The following PCGF5 variants were observed in gnomAD, a reference collection of about 807,000 sequenced individuals.
PCGF5 encodes the protein polycomb group RING finger protein 5.
A neutral mutation model predicts 44.3 loss-of-function variants in PCGF5; 9 were observed. The ratio of observed to expected loss-of-function variants is 0.20; its 90% CI spans 0.12 to 0.35. The LOEUF (loss-of-function observed/expected upper bound fraction) is 0.35, where lower values mean the gene tolerates loss of function less well. Among genes scored for constraint, PCGF5 ranks in the 10% least tolerant of loss-of-function variants. The probability of loss-of-function intolerance (pLI) is 1.00; values close to 1 mark genes in which losing one functional copy is unlikely to be tolerated. For missense variants in PCGF5, 146 were observed against 305.3 expected (o/e 0.48, Z 3.89); for synonymous variants, 95 against 102.5 (o/e 0.93, Z 0.44).
intron 3 of PCGF5, among the ~76,000 whole-genome samples, chr10:91,241,979 A>G (rs969750142): frequency 6.6e-6 from 1 of 152,308 alleles, no homozygotes; most frequent in African/African-American, 2.4e-5. Flanking sequence ...CACTTCGTTT[A>G]GCAAGCTCTC....
rs546656028 is a variant in PCGF5 at position 91,185,002 on chromosome 10, C to A, written c.-184+21921C>A. On this transcript the variant is annotated intron_variant, in intron 1 of 9. Coordinates refer to the PCGF5 transcript ENST00000614189. ...CAGTCAGGAGGAACAACACAGGGGA[C>A]CTGCTTACAGAAGCAGTTTGGCCAC... 2.5e-3 allele frequency among the ~76,000 whole-genome samples: 384 copies of A among 152,252 alleles called. 2 individuals carry two copies. The highest frequency in any genetic ancestry group is 8.5e-3 in the African/African-American group (353 of 41,574).
intron 8 of PCGF5, among the ~76,000 whole-genome samples, chr10:91,268,282 C>T (rs1846093753): frequency 1.3e-5 from 2 of 152,124 alleles, no homozygotes; most frequent in African/African-American, 4.8e-5. Context: ...GAAGTTTAAA[C>T]ATGTTTTATA....
intron 2 of PCGF5, among the ~76,000 whole-genome samples, chr10:91,224,242 T>C (rs1844758126): frequency 6.6e-6 from 1 of 152,206 alleles, no homozygotes; most frequent in Admixed American, 6.5e-5. Flanking sequence ...CAAGTGATGC[T>C]GATGTATACT....
the PCGF5 span, among the ~76,000 whole-genome samples, chr10:91,156,379 G>A: frequency 1.3e-5 from 2 of 152,088 alleles, no homozygotes; most frequent in Non-Finnish European, 2.9e-5. Context: ...GATACCCTAG[G>A]GGCAAGAAAT....
In PCGF5 at chr10:91,261,404, A is replaced by G; in HGVS notation, c.553A>G (p.Lys185Glu). 6.7e-7 allele frequency: 1 copy of G among 1,482,302 alleles called. No homozygotes were observed. Among genetic ancestry groups the G allele is most frequent in the African/African-American group, 1.4e-5 (1 of 72,706 alleles). The allele number at this position is 1,482,302 out of a possible 1,614,324, so 91.8% of individuals were successfully genotyped here. Reference protein sequence around the residue: ...TIKKFLSLKLKLPSSYELDVL... With the variant: ...TIKKFLSLKLELPSSYELDVL... ...TAAAAAATTTCTAAGTTTAAAACTAAAACTTCCAAGTTCTTATGAGGTAAG... is the reference window on the plus strand; with the variant it reads ...TAAAAAATTTCTAAGTTTAAAACTAGAACTTCCAAGTTCTTATGAGGTAAG... The change falls in exon 7 of 10, where the codon AAA becomes GAA. Residue 185 changes from lysine (K) to glutamate (E), a missense_variant. Physicochemically the swap from Lys to Glu is moderately conservative, Grantham distance 56 (BLOSUM62 1). Transcript: ENST00000336126.
At chr10:91,226,289 TAA>T (rs66465569) in intron 2 of PCGF5, among the ~76,000 whole-genome samples, 11 of 75,134 alleles carry the variant, frequency 1.5e-4, no homozygotes, top group African/African-American at 4.9e-4. Context: ...TTAAGAAATG[TAA>T]AAAAAAAAAA....
intron 1 of PCGF5, among the ~76,000 whole-genome samples, chr10:91,222,007 G>GGTCT (rs953824603): frequency 2.0e-5 from 3 of 152,192 alleles, no homozygotes; most frequent in Non-Finnish European, 2.9e-5. Context: ...AACCTGCAGA[G>GGTCT]GAGACGGTGG....
At chr10:91,173,526 A>G (rs944751130) in intron 1 of PCGF5, among the ~76,000 whole-genome samples, 1 of 146,690 alleles carries the variant, frequency 6.8e-6, no homozygotes, top group Non-Finnish European at 1.5e-5. Flanking sequence ...GACCAATTTA[A>G]TTTGTTTTTC....
At chr10:91,266,682 G>A (rs1482887355) in intron 8 of PCGF5, among the ~76,000 whole-genome samples, 2 of 152,078 alleles carry the variant, frequency 1.3e-5, no homozygotes, top group Non-Finnish European at 2.9e-5. Flanking sequence ...TTCACCCTCA[G>A]TCATCACAAC....
intron 1 of PCGF5, among the ~76,000 whole-genome samples, chr10:91,207,701 T>G (rs1564633669): frequency 6.6e-6 from 1 of 152,222 alleles, no homozygotes; most frequent in Non-Finnish European, 1.5e-5. Flanking sequence ...CTTTCTCAAT[T>G]TTTCTTTGTC....
intron 1 of PCGF5, among the ~76,000 whole-genome samples, chr10:91,209,426 T>C (rs1198391695): frequency 6.6e-6 from 1 of 152,164 alleles, no homozygotes; most frequent in Non-Finnish European, 1.5e-5. Flanking sequence ...CTGGACAGCA[T>C]AGTGAGGCTT....
At chr10:91,237,934 T>TAGC (rs1348370330) in intron 2 of PCGF5, among the ~76,000 whole-genome samples, 2 of 152,174 alleles carry the variant, frequency 1.3e-5, no homozygotes, top group Non-Finnish European at 2.9e-5. Context: ...CCATCTAGAA[T>TAGC]AGCACCCTTT....
chr10:91,253,699 T>C (rs1027805163), intron 6 of PCGF5, among the ~76,000 whole-genome samples: 5 of 152,072 alleles, frequency 3.3e-5, no homozygotes, highest in African/African-American at 1.2e-4. Context: ...ATCTACATTT[T>C]TTAAGTAGTT....
intron 1 of PCGF5, among the ~76,000 whole-genome samples, chr10:91,180,284 A>G (rs980797145): frequency 2.0e-5 from 3 of 152,078 alleles, no homozygotes; most frequent in Non-Finnish European, 4.4e-5. Context: ...ATTTTCTCCC[A>G]TTCTGTAGGT....
intron 1 of PCGF5, among the ~76,000 whole-genome samples, chr10:91,176,658 A>T (rs907034811): frequency 6.6e-6 from 1 of 152,010 alleles, no homozygotes; most frequent in Non-Finnish European, 1.5e-5. Context: ...CATTCATTTG[A>T]TCTTCCATCA....
At chr10:91,253,261 T>A (rs962536094) in intron 6 of PCGF5, among the ~76,000 whole-genome samples, 1 of 152,026 alleles carries the variant, frequency 6.6e-6, no homozygotes, top group Non-Finnish European at 1.5e-5. Context: ...AGGTTTGGCG[T>A]AAGGTTATTT....
At chr10:91,245,606 A>T (rs191767350) in intron 3 of PCGF5, among the ~76,000 whole-genome samples, 7 of 152,194 alleles carry the variant, frequency 4.6e-5, no homozygotes, top group Admixed American at 3.9e-4. Flanking sequence ...ATCATGTGGG[A>T]GAGTAGGGAA....
chr10:91,162,087 C>T (rs1053156834), upstream of PCGF5, among the ~76,000 whole-genome samples: 1 of 151,878 alleles, frequency 6.6e-6, no homozygotes, highest in South Asian at 2.1e-4. Flanking sequence ...TGGCAGAGAA[C>T]AGAGAAGGAT....
intron 1 of PCGF5, among the ~76,000 whole-genome samples, chr10:91,191,182 A>T (rs950206433): frequency 7.9e-5 from 12 of 152,254 alleles, no homozygotes; most frequent in African/African-American, 2.9e-4. Context: ...AAGATTAACA[A>T]CAACAACAAC....
Sources: allele counts gnomAD v4.1 joint callset (sites outside exome capture counted in the v4.1 genomes callset), GRCh38; gene constraint gnomAD v4.1.1; transcripts MANE v1.5; gene names NCBI Gene and HGNC (gene_info 2026-07-23, HGNC 2026-07-21).